Variants in ITGA9 observed in about 807,000 individuals in gnomAD.
ITGA9 encodes the protein integrin subunit alpha 9.
In ITGA9, 56 loss-of-function variants were observed where a neutral mutation model predicts 127.8. That is an observed-to-expected ratio of 0.44 (90% CI 0.35 to 0.55). ITGA9 has a LOEUF of 0.55. Among genes scored for constraint, ITGA9 ranks in the 20% least tolerant of loss-of-function variants. The pLI is 0.00. For synonymous variants in ITGA9, 508 were observed against 514.5 expected (o/e 0.99, Z 0.17); for missense variants, 1,196 against 1,347.1 (o/e 0.89, Z 1.76).
intron 15 of ITGA9, among the ~76,000 whole-genome samples, chr3:37,622,891 T>A (rs1700140954): frequency 6.6e-6 from 1 of 152,178 alleles, no homozygotes; most frequent in Non-Finnish European, 1.5e-5. Context: ...CTACAGTATG[T>A]CAGTCATTAT....
intron 25 of ITGA9, among the ~76,000 whole-genome samples, chr3:37,783,255 G>A (rs568361842): frequency 5.3e-5 from 8 of 152,144 alleles, no homozygotes; most frequent in African/African-American, 1.9e-4. Flanking sequence ...CAGACTCCTC[G>A]TCTGCTTGGC....
intron 16 of ITGA9, among the ~76,000 whole-genome samples, chr3:37,647,162 G>C (rs1384813792): frequency 1.3e-5 from 2 of 152,010 alleles, no homozygotes; most frequent in Non-Finnish European, 2.9e-5. Context: ...GCCTATGGAA[G>C]GTCTTACCTA....
chr3:37,547,898 G>A (rs1237927971), intron 15 of ITGA9, among the ~76,000 whole-genome samples: 2 of 152,102 alleles, frequency 1.3e-5, no homozygotes, highest in Non-Finnish European at 2.9e-5. Context: ...TCTCCCAAAG[G>A]CAACCACAGT....
intron 16 of ITGA9, among the ~76,000 whole-genome samples, chr3:37,630,553 G>A (rs7610631): frequency 6.6e-6 from 1 of 152,110 alleles, no homozygotes; most frequent in Non-Finnish European, 1.5e-5. Flanking sequence ...GACTGGCTGT[G>A]GGGGGGAAGG....
At chr3:37,818,588 A>G (rs58264956) in intron 27 of ITGA9, 103 of 396,058 alleles carry the variant, frequency 2.6e-4, no homozygotes, top group African/African-American at 2.0e-3. Context: ...ACTCCCAAAC[A>G]CCTTTGAACA....
chr3:37,491,947 A>G (rs1193540211), intron 4 of ITGA9, among the ~76,000 whole-genome samples: 2 of 152,218 alleles, frequency 1.3e-5, no homozygotes, highest in African/African-American at 2.4e-5. Flanking sequence ...AGTGAAAACA[A>G]TGGAAAGCAT....
At chr3:37,578,730 A>G (rs574114182) in intron 15 of ITGA9, among the ~76,000 whole-genome samples, 1 of 152,268 alleles carries the variant, frequency 6.6e-6, no homozygotes, top group African/African-American at 2.4e-5. Context: ...TCTGCCTCCC[A>G]TAAGTCATAA....
At chr3:37,722,848 C>G (rs1332017816) in intron 18 of ITGA9, among the ~76,000 whole-genome samples, 1 of 152,140 alleles carries the variant, frequency 6.6e-6, no homozygotes, top group African/African-American at 2.4e-5. Context: ...AGTGGGATTG[C>G]TGGGTTACAT....
chr3:37,786,303 G>A (rs1243317988), intron 26 of ITGA9, among the ~76,000 whole-genome samples: 3 of 152,158 alleles, frequency 2.0e-5, no homozygotes, highest in East Asian at 3.8e-4. Flanking sequence ...GTCAGAATGG[G>A]GTTCAAACCA....
chr3:37,819,096 C>CT lies in ITGA9; in HGVS notation c.*108dup, dbSNP rs1697479783. The CT allele has an allele frequency of 1.2e-6, 1 of 845,880 alleles. No individual in the cohort carries two copies. Among genetic ancestry groups the CT allele is most frequent in the Admixed American group, 2.0e-5 (1 of 50,286 alleles). The allele number at this position is 845,880 out of a possible 1,614,324, so 52.4% of individuals were successfully genotyped here. ...TTCTCCAGATTTTTCGGAGGCCCCA[C>CT]TGATGCTGTTCTCTTCTTCATTCTA... On this transcript the variant is annotated 3_prime_UTR_variant, in exon 28 of 28. Coordinates refer to ENST00000264741, the MANE Select transcript of ITGA9 (RefSeq NM_002207.3).
At chr3:37,679,758 C>T (rs539642836) in intron 17 of ITGA9, among the ~76,000 whole-genome samples, 1 of 152,276 alleles carries the variant, frequency 6.6e-6, no homozygotes, top group East Asian at 1.9e-4. Context: ...AAGAATCTTT[C>T]TGATATTCAA....
At chr3:37,545,487 C>T (rs890990128) in intron 15 of ITGA9, among the ~76,000 whole-genome samples, 1 of 152,158 alleles carries the variant, frequency 6.6e-6, no homozygotes, top group African/African-American at 2.4e-5. Context: ...TGTCTTGTAC[C>T]AGACTTTGTT....
At position 37,642,859 on chromosome 3, in the gene ITGA9, A is replaced by G. The variant is rs893686883; in HGVS notation, c.1840-10855A>G. 4.6e-5 allele frequency among the ~76,000 whole-genome samples: 7 copies of G among 152,370 alleles called. No individual in the cohort carries two copies. The East Asian group carries it at 9.6e-4, about 21-fold the overall frequency. On this transcript the variant is annotated intron_variant, in intron 16 of 27. Transcript: ENST00000264741. ...CCCACACCCCTCAATGCATGCATAT[A>G]GGAATATAGCTCATGCTATGGAAAT...
chr3:37,594,561 T>A (rs1575161251), intron 15 of ITGA9, among the ~76,000 whole-genome samples: 1 of 151,922 alleles, frequency 6.6e-6, no homozygotes, highest in Non-Finnish European at 1.5e-5. Flanking sequence ...ATAACAGAGG[T>A]GAAGGGCACA....
rs571171661 is a variant in ITGA9 at position 37,455,008 on chromosome 3, T to TA, written c.185+2450dup. On this transcript the variant is annotated intron_variant, in intron 1 of 27. Coordinates refer to ENST00000264741, the MANE Select transcript of ITGA9 (RefSeq NM_002207.3). ...TTAAGCCAAAGGATTCTTGCTTGCA[T>TA]AGGCCCCTATTAATGCCTTGTCCCC... Among the ~76,000 whole-genome samples the TA allele has an allele frequency of 1.6e-3, 238 of 152,350 alleles. 1 individual carries two copies. The highest frequency in any genetic ancestry group is 5.4e-3 in the African/African-American group (226 of 41,578).
At chr3:37,773,235 G>C (rs1696865746) in intron 23 of ITGA9, among the ~76,000 whole-genome samples, 1 of 152,240 alleles carries the variant, frequency 6.6e-6, no homozygotes, top group Non-Finnish European at 1.5e-5. Flanking sequence ...ATGAGGGATG[G>C]ATGCATCCTG....
intron 16 of ITGA9, among the ~76,000 whole-genome samples, chr3:37,630,201 G>A (rs1359326986): frequency 6.6e-6 from 1 of 152,146 alleles, no homozygotes; most frequent in Non-Finnish European, 1.5e-5. Context: ...GTTGTAGACT[G>A]AACCACAGAG....
intron 23 of ITGA9, among the ~76,000 whole-genome samples, chr3:37,773,073 G>A (rs1696863854): frequency 1.3e-5 from 2 of 152,186 alleles, no homozygotes; most frequent in South Asian, 4.1e-4. Flanking sequence ...GGCGTCTTGT[G>A]GCCAGATGAC....
chr3:37,651,262 G>A (rs1237565716), intron 16 of ITGA9, among the ~76,000 whole-genome samples: 1 of 152,186 alleles, frequency 6.6e-6, no homozygotes, highest in Non-Finnish European at 1.5e-5. Context: ...TAGAGTTCAA[G>A]GAAAAGTTAG....
Sources: gnomAD v4.1 joint callset for allele counts (sites outside exome capture counted in the v4.1 genomes callset) on GRCh38, gnomAD v4.1.1 for gene constraint, MANE v1.5 for transcripts, NCBI Gene and HGNC (gene_info 2026-07-23, HGNC 2026-07-21) for gene names.